The following RASAL2 variants were observed in gnomAD, a reference collection of about 807,000 sequenced individuals.
RASAL2 encodes the protein RAS protein activator like 2, also known as ras GTPase-activating protein nGAP.
A neutral mutation model predicts 128.9 loss-of-function variants in RASAL2; 58 were observed. The ratio of observed to expected loss-of-function variants is 0.45; its 90% CI spans 0.36 to 0.56. The LOEUF is 0.56. Ranked by LOEUF, RASAL2 falls within the 20% of genes least tolerant of loss-of-function variation. The probability of loss-of-function intolerance (pLI) is 0.00; values close to 1 mark genes in which losing one functional copy is unlikely to be tolerated. For missense variants in RASAL2, 1,360 were observed against 1,601.6 expected (o/e 0.85, Z 2.57); for synonymous variants, 561 against 580.8 (o/e 0.97, Z 0.49).
At chr1:178,220,772 A>T (rs1199873618) in intron 1 of RASAL2, among the ~76,000 whole-genome samples, 2 of 152,208 alleles carry the variant, frequency 1.3e-5, no homozygotes, top group East Asian at 1.9e-4. Context: ...TTAGCACTGA[A>T]TAATATTCAG....
At chr1:178,235,814 C>T (rs562591031) in intron 1 of RASAL2, among the ~76,000 whole-genome samples, 10 of 152,206 alleles carry the variant, frequency 6.6e-5, no homozygotes, top group African/African-American at 2.4e-4. Context: ...CTTTCTTCAT[C>T]CCTTATTTCC....
chr1:178,366,474 T>C (rs1347282631), intron 3 of RASAL2, among the ~76,000 whole-genome samples: 2 of 152,044 alleles, frequency 1.3e-5, no homozygotes, highest in African/African-American at 4.8e-5. Context: ...TTTTGGTTTC[T>C]TCAAGAAGGA....
chr1:178,299,017 GA>G (rs1667640911), intron 2 of RASAL2, among the ~76,000 whole-genome samples: 3 of 151,868 alleles, frequency 2.0e-5, no homozygotes, highest in Non-Finnish European at 2.9e-5. Flanking sequence ...TAGTATTAGA[GA>G]TTTTTTTTTA....
At chr1:178,307,961 C>G (rs1668070807) in intron 3 of RASAL2, among the ~76,000 whole-genome samples, 2 of 152,170 alleles carry the variant, frequency 1.3e-5, no homozygotes, top group African/African-American at 4.8e-5. Context: ...TCTCAGTCCT[C>G]AAACAGAAAG....
chr1:178,419,127 T>G (rs1301980250), intron 4 of RASAL2, among the ~76,000 whole-genome samples: 7 of 152,208 alleles, frequency 4.6e-5, no homozygotes, highest in Non-Finnish European at 8.8e-5. Context: ...GTGCTAATAT[T>G]GGCCTAGTAT....
intron 1 of RASAL2, among the ~76,000 whole-genome samples, chr1:178,138,315 T>C (rs541754108): frequency 6.6e-6 from 1 of 152,338 alleles, no homozygotes; most frequent in African/African-American, 2.4e-5. Flanking sequence ...GAAATAGTCA[T>C]ATGAATGATA....
At chr1:178,395,771 GTA>G (rs57664965) in intron 4 of RASAL2, among the ~76,000 whole-genome samples, 71,109 of 133,024 alleles carry the variant, frequency 0.53, 19,260 homozygotes, top group South Asian at 0.67. Flanking sequence ...TTAATGAACA[GTA>G]TATATATATA....
At chr1:178,443,327 C>T in intron 8 of RASAL2, 98 bp downstream of exon 8, 1 of 1,120,372 alleles carries the variant, frequency 8.9e-7, no homozygotes, top group Non-Finnish European at 1.2e-6. Flanking sequence ...GAGAAATGTG[C>T]TTTACTATTG....
chr1:178,095,721 G>A lies in RASAL2; in HGVS notation c.202+1027G>A, dbSNP rs1032622958. On this transcript the variant is annotated intron_variant, in intron 1 of 17. Transcript: ENST00000367649. ...GTGACCAAGACTTAGGTTTTTTTCT[G>A]TGTAGTTCAGTTGATTTGAAGACTT... Among the ~76,000 whole-genome samples the A allele has an allele frequency of 1.2e-4, 18 of 152,186 alleles. 1 individual carries two copies. The highest frequency in any genetic ancestry group is 4.3e-4 in the African/African-American group (18 of 41,534).
At chr1:178,462,875 C>A (rs1448745204) in intron 14 of RASAL2, among the ~76,000 whole-genome samples, 2 of 152,146 alleles carry the variant, frequency 1.3e-5, no homozygotes, top group Non-Finnish European at 2.9e-5. Context: ...TGATATATAA[C>A]TATAATCTGT....
chr1:178,380,636 T>C (rs1672232277), intron 3 of RASAL2, among the ~76,000 whole-genome samples: 1 of 152,214 alleles, frequency 6.6e-6, no homozygotes. Flanking sequence ...GTTGTTAAAA[T>C]ATATTTGCCA....
At chr1:178,243,935 T>C (rs1219502673) in intron 1 of RASAL2, among the ~76,000 whole-genome samples, 1 of 152,218 alleles carries the variant, frequency 6.6e-6, no homozygotes, top group African/African-American at 2.4e-5. Flanking sequence ...TCATTTAGAG[T>C]GCCTAGCTTG....
At chr1:178,396,778 G>C (rs1673257798) in intron 4 of RASAL2, among the ~76,000 whole-genome samples, 1 of 147,088 alleles carries the variant, frequency 6.8e-6, no homozygotes, top group Admixed American at 6.8e-5. Context: ...AGTATTATTT[G>C]ATTATAATAT....
In RASAL2 at chr1:178,288,513, G is replaced by A. The variant is rs547456898; in HGVS notation, c.330+4822G>A. 2.6e-5 allele frequency among the ~76,000 whole-genome samples: 4 copies of A among 151,296 alleles called. No homozygotes were observed. In the South Asian group the frequency reaches 8.4e-4, roughly 32 times the overall value. On this transcript the variant is annotated intron_variant, in intron 2 of 17. Coordinates refer to ENST00000367649, the MANE Select transcript of RASAL2 (RefSeq NM_170692.4). ...CACTGTGGTCAGCCCTTCTGCTTGT[G>A]TTCATTCCATTATTTCTTGCCTGTT...
At chr1:178,173,664 G>A (rs540440061) in intron 1 of RASAL2, among the ~76,000 whole-genome samples, 4 of 152,036 alleles carry the variant, frequency 2.6e-5, no homozygotes, top group Non-Finnish European at 5.9e-5. Context: ...CACACCCTGA[G>A]ATTGACTAAG....
chr1:178,377,304 T>C (rs1280034026), intron 3 of RASAL2, among the ~76,000 whole-genome samples: 8 of 152,014 alleles, frequency 5.3e-5, no homozygotes, highest in African/African-American at 1.4e-4. Flanking sequence ...CCAGACTAGA[T>C]AACCTCAAAA....
intron 1 of RASAL2, among the ~76,000 whole-genome samples, chr1:178,181,119 A>T (rs1662093345): frequency 6.6e-6 from 1 of 151,948 alleles, no homozygotes; most frequent in African/African-American, 2.4e-5. Flanking sequence ...AGTTTTATTA[A>T]TCTTTTCAAA....
intron 3 of RASAL2, among the ~76,000 whole-genome samples, chr1:178,348,963 C>A (rs2102429369): frequency 6.6e-6 from 1 of 151,742 alleles, no homozygotes; most frequent in East Asian, 2.0e-4. Context: ...CCATGCCTGG[C>A]TAATTTTTTG....
chr1:178,382,332 G>GT (rs1337628903), intron 3 of RASAL2, among the ~76,000 whole-genome samples: 1 of 152,132 alleles, frequency 6.6e-6, no homozygotes, highest in Non-Finnish European at 1.5e-5. Flanking sequence ...TGACTAGAAT[G>GT]TTTTTATCAG....
Sources: allele counts gnomAD v4.1 joint callset (sites outside exome capture counted in the v4.1 genomes callset), GRCh38; gene constraint gnomAD v4.1.1; transcripts MANE v1.5; gene names NCBI Gene and HGNC (gene_info 2026-07-23, HGNC 2026-07-21).